The following GABBR2 variants were observed in gnomAD, a reference collection of about 807,000 sequenced individuals.
The protein encoded by GABBR2 is G-protein coupled receptor 51.
Under a neutral mutation model 105.6 loss-of-function variants are expected in GABBR2, and 23 were observed. That is an observed-to-expected ratio of 0.22 (90% CI 0.16 to 0.31). The LOEUF (loss-of-function observed/expected upper bound fraction) is 0.31. Among genes scored for constraint, GABBR2 ranks in the 10% least tolerant of loss-of-function variants. The probability of loss-of-function intolerance (pLI) is 1.00; values close to 1 mark genes in which losing one functional copy is unlikely to be tolerated. For synonymous variants in GABBR2, 478 were observed against 499.7 expected (o/e 0.96, Z 0.58); for missense variants, 734 against 1,245.5 (o/e 0.59, Z 6.18).
chr9:98,465,121 T>TAAAAAAAAAAAAAAAAAAA (rs57747633), intron 6 of GABBR2, among the ~76,000 whole-genome samples: 15 of 21,980 alleles, frequency 6.8e-4, no homozygotes, highest in South Asian at 2.9e-3. Context: ...CAATAAATAC[T>TAAAAAAAAAAAAAAAAAAA]AAAAAAAAAA....
At chr9:98,701,016 C>A (rs116310197) in intron 1 of GABBR2, among the ~76,000 whole-genome samples, 2 of 152,142 alleles carry the variant, frequency 1.3e-5, no homozygotes, top group African/African-American at 2.4e-5. Context: ...TGCAGCATAG[C>A]CTCACCCACC....
At chr9:98,442,152 C>T (rs1826043429) in intron 7 of GABBR2, among the ~76,000 whole-genome samples, 1 of 152,242 alleles carries the variant, frequency 6.6e-6, no homozygotes, top group Non-Finnish European at 1.5e-5. Flanking sequence ...TGCCCTCCCT[C>T]CTCCCGATCA....
At position 98,293,799 on chromosome 9, in the gene GABBR2, T is replaced by A. The variant is rs753988643; in HGVS notation, c.2646A>T (p.Ile882=). Residue 882 remains isoleucine (I), a synonymous_variant, in exon 18 of 19, where the codon ATA becomes ATT. Coordinates refer to ENST00000259455, the MANE Select transcript of GABBR2 (RefSeq NM_005458.8). ...SRTCKDPIED[I]NSPEHIQRRL... ...AAGGTACTTACTGTTCTGGAGAGTT[T>A]ATATCTTCTATAGGATCTTTGCATG... 2.7e-5 allele frequency: 42 copies of A among 1,565,706 alleles called. No individual in the cohort carries two copies. Among genetic ancestry groups the A allele is most frequent in the Non-Finnish European group, 3.4e-5 (39 of 1,136,862 alleles).
At chr9:98,490,830 A>C (rs1004595450) in intron 4 of GABBR2, among the ~76,000 whole-genome samples, 1 of 152,230 alleles carries the variant, frequency 6.6e-6, no homozygotes, top group Non-Finnish European at 1.5e-5. Flanking sequence ...GGAAACAGCT[A>C]AACTTTAGCC....
chr9:98,704,027 C>T (rs946438258), intron 1 of GABBR2, among the ~76,000 whole-genome samples: 3 of 152,078 alleles, frequency 2.0e-5, no homozygotes, highest in African/African-American at 7.2e-5. Flanking sequence ...CACTATCATT[C>T]TCTACCTTGC....
chr9:98,561,540 A>C (rs1828674065), intron 2 of GABBR2, among the ~76,000 whole-genome samples: 1 of 152,200 alleles, frequency 6.6e-6, no homozygotes, highest in Non-Finnish European at 1.5e-5. Flanking sequence ...AAAAAAGGGA[A>C]AGCTGTTCTG....
At chr9:98,635,025 T>C (rs1052295488) in intron 1 of GABBR2, among the ~76,000 whole-genome samples, 5 of 152,206 alleles carry the variant, frequency 3.3e-5, no homozygotes, top group African/African-American at 1.2e-4. Flanking sequence ...CTGGCCTGCT[T>C]TCAACAGCCC....
At chr9:98,314,475 C>A (rs1830683558) in intron 13 of GABBR2, among the ~76,000 whole-genome samples, 1 of 152,170 alleles carries the variant, frequency 6.6e-6, no homozygotes, top group Non-Finnish European at 1.5e-5. Context: ...ATGATGGAAT[C>A]TTAGATTCTC....
intron 3 of GABBR2, among the ~76,000 whole-genome samples, chr9:98,538,835 C>T (rs1407274401): frequency 6.6e-6 from 1 of 152,184 alleles, no homozygotes; most frequent in Admixed American, 6.5e-5. Flanking sequence ...GTTTCCAGGG[C>T]CTGCACTCCA....
chr9:98,535,596 T>C (rs1227441498), intron 3 of GABBR2, among the ~76,000 whole-genome samples: 2 of 152,058 alleles, frequency 1.3e-5, no homozygotes, highest in Non-Finnish European at 2.9e-5. Context: ...CACTACACCA[T>C]TTTATATCAG....
At chr9:98,605,186 T>C (rs939202235) in intron 1 of GABBR2, among the ~76,000 whole-genome samples, 2 of 152,222 alleles carry the variant, frequency 1.3e-5, no homozygotes, top group African/African-American at 2.4e-5. Context: ...GGATGTACAG[T>C]GCAACAGCGG....
At chr9:98,452,815 G>T (rs1826254696) in intron 7 of GABBR2, among the ~76,000 whole-genome samples, 1 of 152,178 alleles carries the variant, frequency 6.6e-6, no homozygotes, top group African/African-American at 2.4e-5. Context: ...AATATTAAAA[G>T]GTTGTATTAT....
chr9:98,464,115 C>A (rs1160252465), intron 6 of GABBR2, among the ~76,000 whole-genome samples: 1 of 151,836 alleles, frequency 6.6e-6, no homozygotes, highest in Non-Finnish European at 1.5e-5. Flanking sequence ...ATGTGAGGAG[C>A]CCCTCTGCCC....
rs1827739297 is a variant in GABBR2, at chr9:98,515,482, TCAA to T, written c.631-18971_631-18969del. On this transcript the variant is annotated intron_variant, in intron 3 of 18. Coordinates refer to ENST00000259455, the MANE Select transcript of GABBR2 (RefSeq NM_005458.8). ...GGATTCCAAAGTGGGTGATTTGTCC[TCAA>T]CTTATGTTCTGCTCTAACATCCTAA... Among the ~76,000 whole-genome samples, 5 of 152,308 alleles carry T rather than the reference TCAA, an allele frequency of 3.3e-5. No homozygotes were observed. In the South Asian group the frequency reaches 8.3e-4, roughly 25 times the overall value.
intron 1 of GABBR2, among the ~76,000 whole-genome samples, chr9:98,650,459 C>T (rs1211375823): frequency 2.0e-5 from 3 of 152,166 alleles, no homozygotes; most frequent in Non-Finnish European, 2.9e-5. Flanking sequence ...TTTCAAAATA[C>T]CTTTGCCAGC....
chr9:98,572,751 T>C (rs566467461), intron 2 of GABBR2, among the ~76,000 whole-genome samples: 1 of 152,140 alleles, frequency 6.6e-6, no homozygotes. Context: ...ATATCTTCCT[T>C]GCCTGGCTGC....
intron 5 of GABBR2, among the ~76,000 whole-genome samples, chr9:98,477,404 T>C (rs538995518): frequency 1.1e-3 from 171 of 152,314 alleles, no homozygotes; most frequent in African/African-American, 3.9e-3. Context: ...CACGCCCAGC[T>C]AATTTTTAAA....
At chr9:98,429,209 G>A (rs1056297101) in intron 7 of GABBR2, among the ~76,000 whole-genome samples, 5 of 151,382 alleles carry the variant, frequency 3.3e-5, no homozygotes, top group Admixed American at 6.6e-5. Flanking sequence ...GTGCAATCTC[G>A]GCTCACTGCA....
intron 6 of GABBR2, among the ~76,000 whole-genome samples, chr9:98,469,210 C>T (rs1001249230): frequency 1.3e-5 from 2 of 152,096 alleles, no homozygotes; most frequent in African/African-American, 4.8e-5. Flanking sequence ...CTGAGGAGGC[C>T]TCAGGAAACT....
Sources: allele counts gnomAD v4.1 joint callset (sites outside exome capture counted in the v4.1 genomes callset), GRCh38; gene constraint gnomAD v4.1.1; transcripts MANE v1.5; gene names NCBI Gene and HGNC (gene_info 2026-07-23, HGNC 2026-07-21).